The following EXOC6B variants were observed in gnomAD, a reference collection of about 807,000 sequenced individuals.
The protein encoded by EXOC6B is exocyst complex component 6B, also known as SEC15 homolog B.
A neutral mutation model predicts 113.5 loss-of-function variants in EXOC6B; 54 were observed. That is an observed-to-expected ratio of 0.48 (90% CI 0.38 to 0.60). EXOC6B has a LOEUF of 0.60. EXOC6B is among the 20% of genes least tolerant of loss of function. The pLI is 0.00. For missense variants in EXOC6B, 797 were observed against 977.5 expected, an observed-to-expected ratio of 0.82 and a Z score of 2.46; for synonymous variants, 357 against 339.0, an observed-to-expected ratio of 1.05 and a Z score of -0.58.
rs546413820 is a variant in EXOC6B at position 72,234,827 on chromosome 2, A to G, written c.2197-50640T>C. Among the ~76,000 whole-genome samples the G allele has an allele frequency of 2.0e-5, 3 of 152,324 alleles. No homozygotes were observed. In the South Asian group the frequency reaches 6.2e-4, roughly 32 times the overall value. On this transcript the variant is annotated intron_variant, in intron 20 of 21. Transcript: ENST00000272427. ...CATGTAAAATCATTAGAGAAATGCA[A>G]ATCAAAATCATGAGACACCATCTCA...
At chr2:72,533,600 C>G (rs1702130852) in intron 8 of EXOC6B, among the ~76,000 whole-genome samples, 1 of 152,204 alleles carries the variant, frequency 6.6e-6, no homozygotes, top group African/African-American at 2.4e-5. Context: ...GTTTATATGA[C>G]TGTCTTTCTC....
At chr2:72,620,221 G>A (rs1326492485) in intron 6 of EXOC6B, among the ~76,000 whole-genome samples, 1 of 152,212 alleles carries the variant, frequency 6.6e-6, no homozygotes, top group Non-Finnish European at 1.5e-5. Flanking sequence ...AGTGACCCAG[G>A]AGCCACAACA....
At chr2:72,367,405 T>C (rs1356833188) in intron 19 of EXOC6B, among the ~76,000 whole-genome samples, 1 of 152,098 alleles carries the variant, frequency 6.6e-6, no homozygotes, top group Non-Finnish European at 1.5e-5. Context: ...AATAGCAAGA[T>C]GGTAGATTTA....
chr2:72,642,207 C>T (rs981166509), intron 6 of EXOC6B, among the ~76,000 whole-genome samples: 2 of 151,220 alleles, frequency 1.3e-5, no homozygotes, highest in Non-Finnish European at 2.9e-5. Flanking sequence ...TTTACAGATT[C>T]AATGCCATCC....
At chr2:72,631,165 T>G (rs937919380) in intron 6 of EXOC6B, among the ~76,000 whole-genome samples, 1 of 151,344 alleles carries the variant, frequency 6.6e-6, no homozygotes, top group African/African-American at 2.4e-5. Context: ...TAGGAATGTG[T>G]GTGTTTGTAG....
At chr2:72,374,230 A>G (rs904670217) in intron 19 of EXOC6B, among the ~76,000 whole-genome samples, 1 of 152,156 alleles carries the variant, frequency 6.6e-6, no homozygotes, top group African/African-American at 2.4e-5. Context: ...TTATATCTGC[A>G]CTCTCATATT....
intron 6 of EXOC6B, among the ~76,000 whole-genome samples, chr2:72,614,437 A>C (rs576802940): frequency 6.6e-6 from 1 of 152,212 alleles, no homozygotes; most frequent in South Asian, 2.1e-4. Flanking sequence ...CTCAAGAAAC[A>C]CTAACTTAAG....
Position 72,575,474 on chromosome 2 carries a change from A to G in EXOC6B, c.846+18T>C, listed in dbSNP as rs749193726. The G allele has an allele frequency of 2.5e-6, 4 of 1,593,224 alleles. No individual in the cohort carries two copies. Among genetic ancestry groups the G allele is most frequent in the Non-Finnish European group, 1.7e-6 (2 of 1,172,870 alleles). On this transcript the variant is annotated intron_variant, in intron 7 of 21. Coordinates refer to ENST00000272427, the MANE Select transcript of EXOC6B (RefSeq NM_015189.3). The stretch of plus-strand genomic sequence containing the variant: ...AGCTTAAAAATAGTCTCACTTCCCA[A>G]CATCAAATGTTACTTACCTCTTCAT...
At chr2:72,191,972 C>T (rs961029857) in intron 20 of EXOC6B, among the ~76,000 whole-genome samples, 2 of 152,128 alleles carry the variant, frequency 1.3e-5, no homozygotes, top group Non-Finnish European at 2.9e-5. Flanking sequence ...CCCAAAAAAA[C>T]TCAGAAAATA....
At position 72,306,773 on chromosome 2, in the gene EXOC6B, C is replaced by T. The variant is rs567982586; in HGVS notation, c.2196+28174G>A. On this transcript the variant is annotated intron_variant, in intron 20 of 21. Transcript: ENST00000272427. Reference sequence around the variant, plus strand: ...AAGTCTACACTTCCAAAAATCTTGTCCGTTGTAATGGGCAGTAAAGTTTCC... The same window carrying T: ...AAGTCTACACTTCCAAAAATCTTGTTCGTTGTAATGGGCAGTAAAGTTTCC... Among the ~76,000 whole-genome samples the T allele has an allele frequency of 2.6e-5, 4 of 152,262 alleles. No individual in the cohort carries two copies. In the South Asian group the frequency reaches 8.3e-4, roughly 32 times the overall value.
chr2:72,704,280 G>A (rs950726416), intron 6 of EXOC6B, among the ~76,000 whole-genome samples: 25 of 151,056 alleles, frequency 1.7e-4, no homozygotes, highest in African/African-American at 4.9e-4. Flanking sequence ...TGAAACCAAC[G>A]AGAACAAAGA....
At chr2:72,235,193 T>C (rs1407379034) in intron 20 of EXOC6B, among the ~76,000 whole-genome samples, 1 of 152,176 alleles carries the variant, frequency 6.6e-6, no homozygotes, top group East Asian at 1.9e-4. Flanking sequence ...GTGGTACATA[T>C]ACACCATGGA....
At chr2:72,275,744 C>T (rs1684773988) in intron 20 of EXOC6B, among the ~76,000 whole-genome samples, 1 of 152,166 alleles carries the variant, frequency 6.6e-6, no homozygotes, top group African/African-American at 2.4e-5. Flanking sequence ...TGCCAAGAGG[C>T]CACACAGAGT....
intron 6 of EXOC6B, among the ~76,000 whole-genome samples, chr2:72,642,848 T>A: frequency 1.3e-5 from 2 of 148,278 alleles, no homozygotes; most frequent in Admixed American, 6.7e-5. Context: ...TGGGAGAAAA[T>A]TTTCACAACC....
At chr2:72,467,074 G>A (rs542509816) in intron 17 of EXOC6B, among the ~76,000 whole-genome samples, 1 of 152,094 alleles carries the variant, frequency 6.6e-6, no homozygotes, top group Non-Finnish European at 1.5e-5. Context: ...CTACACATGA[G>A]ATCATGCATA....
At chr2:72,229,990 C>A (rs1173053457) in intron 20 of EXOC6B, among the ~76,000 whole-genome samples, 1 of 151,414 alleles carries the variant, frequency 6.6e-6, no homozygotes, top group East Asian at 1.9e-4. Context: ...AGTTAGAAAA[C>A]CAAAGAAGGA....
At position 72,684,311 on chromosome 2, in the gene EXOC6B, A is replaced by G. The variant is rs1221386588; in HGVS notation, c.669+33792T>C. Among the ~76,000 whole-genome samples the G allele has an allele frequency of 2.6e-5, 4 of 152,198 alleles. No homozygotes were observed. In the East Asian group the frequency reaches 7.7e-4, roughly 29 times the overall value. On this transcript the variant is annotated intron_variant, in intron 6 of 21. Coordinates refer to ENST00000272427, the MANE Select transcript of EXOC6B (RefSeq NM_015189.3). ...TAAATGTTGACCACCATGAGATAAC[A>G]CTACACACCCACCAGAATAACTAAA...
chr2:72,513,189 A>G lies in EXOC6B; in HGVS notation c.1110T>C (p.Ile370=), dbSNP rs758083040. ...TTQGLVNRAY[I]DELWEMALSK... ...AAAGTGCCATTTCCCACAGTTCATCAATGTAGGCTCTATTTACTAAGCCCT... is the reference window on the plus strand; with the variant it reads ...AAAGTGCCATTTCCCACAGTTCATCGATGTAGGCTCTATTTACTAAGCCCT... The change falls in exon 11 of 22, where the codon ATT becomes ATC. Residue 370 remains isoleucine (I), a synonymous_variant. Coordinates refer to ENST00000272427, the MANE Select transcript of EXOC6B (RefSeq NM_015189.3). The G allele has an allele frequency of 3.2e-5, 52 of 1,613,316 alleles. 1 individual carries two copies. In the Middle Eastern group the frequency reaches 6.1e-3, roughly 189 times the overall value.
intron 6 of EXOC6B, among the ~76,000 whole-genome samples, chr2:72,658,217 CAGGAA>C (rs935076120): frequency 1.3e-5 from 1 of 79,940 alleles, no homozygotes; most frequent in East Asian, 3.4e-4. Flanking sequence ...ACAGAAGAAA[CAGGAA>C]AGGAAAGAAA....
Sources: allele counts gnomAD v4.1 joint callset (sites outside exome capture counted in the v4.1 genomes callset), GRCh38; gene constraint gnomAD v4.1.1; transcripts MANE v1.5; gene names NCBI Gene and HGNC (gene_info 2026-07-23, HGNC 2026-07-21).